Variants in LRCH3 observed in about 807,000 individuals in gnomAD.
The protein encoded by LRCH3 is DISP complex protein LRCH3.
LRCH3 carries 68 observed loss-of-function variants against 104.5 expected under a neutral mutation model. The ratio of observed to expected loss-of-function variants is 0.65; its 90% CI spans 0.54 to 0.80. The LOEUF is 0.80. LRCH3 is among the 30% of genes least tolerant of loss of function. The pLI is 0.00. For missense variants in LRCH3, 951 were observed against 953.9 expected, an observed-to-expected ratio of 1.00 and a Z score of 0.04; for synonymous variants, 344 against 361.3, an observed-to-expected ratio of 0.95 and a Z score of 0.54.
intron 18 of LRCH3, among the ~76,000 whole-genome samples, 200 bp from the exon 19 acceptor site, chr3:197,871,125 C>T (rs910886092): frequency 1.5e-4 from 22 of 151,406 alleles, no homozygotes; most frequent in African/African-American, 5.3e-4. Flanking sequence ...TTTTGTTGTA[C>T]TTTGTACCAC....
intron 1 of LRCH3, among the ~76,000 whole-genome samples, chr3:197,807,181 A>G (rs1238448734): frequency 1.3e-5 from 2 of 150,652 alleles, no homozygotes; most frequent in African/African-American, 2.4e-5. Flanking sequence ...ATATCCTTCT[A>G]CTTGAAGTGA....
At chr3:197,869,341 G>A (rs1462260662) in intron 17 of LRCH3, among the ~76,000 whole-genome samples, 2 of 147,618 alleles carry the variant, frequency 1.4e-5, no homozygotes, top group African/African-American at 2.5e-5. Flanking sequence ...AGTAGAAAGC[G>A]GTGCACTGTA....
rs564109127 is a variant in LRCH3 at position 197,855,168 on chromosome 3, C to T, written c.1644+723C>T. The stretch of plus-strand genomic sequence containing the variant: ...AGTGCTAGTAACTGCTGCCAGGGTG[C>T]ATCCTGCTGCGTGAGCTGCATGCCT... On this transcript the variant is annotated intron_variant, in intron 14 of 20. Transcript: ENST00000425562. Among the ~76,000 whole-genome samples the T allele has an allele frequency of 3.3e-5, 5 of 152,298 alleles. No homozygotes were observed. In the South Asian group the frequency reaches 1.0e-3, roughly 32 times the overall value.
At chr3:197,869,052 A>G (rs1043882756) in intron 17 of LRCH3, among the ~76,000 whole-genome samples, 1 of 152,252 alleles carries the variant, frequency 6.6e-6, no homozygotes, top group African/African-American at 2.4e-5. Context: ...ATATTTTTCT[A>G]TACTATTCTC....
At chr3:197,800,927 C>A (rs916716147) in intron 1 of LRCH3, among the ~76,000 whole-genome samples, 1 of 152,024 alleles carries the variant, frequency 6.6e-6, no homozygotes, top group Non-Finnish European at 1.5e-5. Flanking sequence ...AACCCCGTCT[C>A]TACTAAAAAT....
At chr3:197,876,634 C>CAGT in intron 20 of LRCH3, among the ~76,000 whole-genome samples, 3 of 152,146 alleles carry the variant, frequency 2.0e-5, no homozygotes, top group Admixed American at 1.3e-4. Flanking sequence ...TCATTAACCA[C>CAGT]GACCATTACA....
rs1164512783 is a variant in LRCH3 at position 197,854,396 on chromosome 3, C to T, written c.1595C>T (p.Pro532Leu). The T allele has an allele frequency of 2.5e-6, 4 of 1,614,018 alleles. No individual in the cohort carries two copies. In the South Asian group the frequency reaches 3.3e-5, roughly 13 times the overall value. Residue 532 changes from proline (P) to leucine (L), a missense_variant, in exon 14 of 21, where the codon CCC becomes CTC. Transcript: ENST00000425562. This position sits in a 1 kb window ranked among gnomAD's most constrained non-coding sequence, Gnocchi z 4.5. The part of the protein sequence containing the change: ...PLLDGVDGEC[P>L]FPSRRSQHTD... Reference sequence around the variant, plus strand: ...CATTTTTCTCCATCTCTCCAGTGCCCCTTCCCATCCAGAAGGTCTCAGCAC... The same window carrying T: ...CATTTTTCTCCATCTCTCCAGTGCCTCTTCCCATCCAGAAGGTCTCAGCAC...
intron 20 of LRCH3, chr3:197,880,509 C>G: frequency 6.5e-7 from 1 of 1,534,346 alleles, no homozygotes; most frequent in Non-Finnish European, 8.7e-7. Flanking sequence ...ACACTTTGGA[C>G]AGGACAATCT....
Position 197,854,717 on chromosome 3 carries a change from T to C in LRCH3, c.1644+272T>C, listed in dbSNP as rs1740033840. Among the ~76,000 whole-genome samples the C allele has an allele frequency of 6.6e-6, 1 of 152,182 alleles. No individual in the cohort carries two copies. The highest frequency in any genetic ancestry group is 2.4e-5 in the African/African-American group (1 of 41,438). On this transcript the variant is annotated intron_variant, in intron 14 of 20. Transcript: ENST00000425562. This position sits in a 1 kb window ranked among gnomAD's most constrained non-coding sequence, Gnocchi z 4.5. ...TGCTGGGAATGGAGGCATAACATAA[T>C]ATTCATGTTTTAAATGTGTCTAATT...
rs1738993420 is a variant in LRCH3, at chr3:197,847,912, A to C, written c.1421A>C (p.Gln474Pro). 1.2e-6 allele frequency: 2 copies of C among 1,614,018 alleles called. No individual in the cohort carries two copies. Among genetic ancestry groups the C allele is most frequent in the African/African-American group, 1.3e-5 (1 of 74,922 alleles). ...TDLELHQRRE[Q>P]LVERTRREAQ... ...CTGGAACTTCATCAGAGAAGGGAGC[A>C]GTTAGTAGAGCGCACTCGGAGAGAG... is the stretch of plus-strand genomic sequence containing the variant. The change falls in exon 12 of 21, where the codon CAG (glutamine) becomes CCG (proline). Residue 474 changes from glutamine (Q) to proline (P), a missense_variant. Coordinates refer to ENST00000425562, the MANE Select transcript of LRCH3 (RefSeq NM_001365715.1).
chr3:197,795,683 G>GTTTTTTTTTTTTTTTTTTTTTTTT (rs1378193831), intron 1 of LRCH3, among the ~76,000 whole-genome samples: 1 of 92,280 alleles, frequency 1.1e-5, no homozygotes. Context: ...TAAAAAAGTT[G>GTTTTTTTTTTTTTTTTTTTTTTTT]TTGTTTTTTT....
intron 8 of LRCH3, among the ~76,000 whole-genome samples, chr3:197,834,861 G>T (rs1461491858): frequency 6.6e-6 from 1 of 152,170 alleles, no homozygotes; most frequent in Non-Finnish European, 1.5e-5. Context: ...AAACACTTGT[G>T]TGCCAGGCAC....
chr3:197,818,681 C>T (rs1734131499), intron 3 of LRCH3, among the ~76,000 whole-genome samples: 2 of 152,178 alleles, frequency 1.3e-5, no homozygotes, highest in Non-Finnish European at 1.5e-5. Context: ...AATTCAAATT[C>T]TTATTTTCAA....
intron 20 of LRCH3, chr3:197,881,862 G>C (rs1172930228): frequency 1.0e-5 from 10 of 985,350 alleles, no homozygotes; most frequent in Non-Finnish European, 1.2e-5. Context: ...AATTCAGCCT[G>C]AGGGGCTCAC....
Position 197,884,631 on chromosome 3 carries a change from T to G in LRCH3, c.*965T>G, listed in dbSNP as rs887849577. Reference sequence around the variant, plus strand: ...GTTTTTCATGTAGTGGAACCACTGTTCAAAGCTAGATATTTGTATGTTTGC... The same window carrying G: ...GTTTTTCATGTAGTGGAACCACTGTGCAAAGCTAGATATTTGTATGTTTGC... On this transcript the variant is annotated 3_prime_UTR_variant, in exon 21 of 21. Transcript: ENST00000425562. 1 of 152,372 alleles carries G rather than the reference T, an allele frequency of 6.6e-6. No individual in the cohort carries two copies. Among genetic ancestry groups the G allele is most frequent in the Non-Finnish European group, 1.5e-5 (1 of 68,142 alleles). The allele number at this position is 152,372 out of a possible 1,614,324, so 9.4% of individuals were successfully genotyped here.
intron 4 of LRCH3, among the ~76,000 whole-genome samples, chr3:197,821,288 AGGCT>A (rs1734461432): frequency 6.6e-6 from 1 of 152,226 alleles, no homozygotes; most frequent in African/African-American, 2.4e-5. Flanking sequence ...TTATTTACTT[AGGCT>A]GACTACAAGC....
At chr3:197,879,465 T>G (rs1421574542) in intron 20 of LRCH3, among the ~76,000 whole-genome samples, 1 of 150,964 alleles carries the variant, frequency 6.6e-6, no homozygotes, top group Non-Finnish European at 1.5e-5. Flanking sequence ...GCTAACATGG[T>G]GAAACCCCGT....
At chr3:197,842,946 G>A (rs1188803649) in intron 10 of LRCH3, among the ~76,000 whole-genome samples, 4 of 152,018 alleles carry the variant, frequency 2.6e-5, no homozygotes, top group Non-Finnish European at 1.5e-5. Flanking sequence ...TTAGCCGGGT[G>A]TGGTAGCTTG....
chr3:197,869,810 AGGT>A (rs1221672336), intron 17 of LRCH3, among the ~76,000 whole-genome samples: 4 of 142,480 alleles, frequency 2.8e-5, no homozygotes, highest in Admixed American at 1.4e-4. Flanking sequence ...TACCTGCAGG[AGGT>A]AGAAAGCGAT....
Sources: gnomAD v4.1 joint callset for allele counts (sites outside exome capture counted in the v4.1 genomes callset) on GRCh38, gnomAD v4.1.1 for gene constraint, Gnocchi (gnomAD v3.1) non-coding constraint, MANE v1.5 for transcripts, NCBI Gene and HGNC (gene_info 2026-07-23, HGNC 2026-07-21) for gene names.